The following UBE2J2 variants were observed in gnomAD, a reference collection of about 807,000 sequenced individuals.
UBE2J2 encodes the protein ubiquitin-conjugating enzyme E2 J2.
A neutral mutation model predicts 28.6 loss-of-function variants in UBE2J2; 5 were observed. That is an observed-to-expected ratio of 0.17 (90% CI 0.09 to 0.37). The LOEUF (loss-of-function observed/expected upper bound fraction) is 0.37. UBE2J2 is among the 10% of genes least tolerant of loss of function. The probability of loss-of-function intolerance (pLI) is 1.00; values close to 1 mark genes in which losing one functional copy is unlikely to be tolerated. For synonymous variants in UBE2J2, 138 were observed against 139.7 expected (o/e 0.99, Z 0.09); for missense variants, 226 against 338.9 (o/e 0.67, Z 2.62).
At chr1:1,255,947 G>T in intron 6 of UBE2J2, 98 bp downstream of exon 6, 2 of 902,924 alleles carry the variant, frequency 2.2e-6, no homozygotes, top group Non-Finnish European at 3.6e-6. Context: ...CCCTGGGGAG[G>T]TCTGCAGCTT....
chr1:1,262,224 G>A, intron 3 of UBE2J2: 2 of 429,146 alleles, frequency 4.7e-6, no homozygotes, highest in South Asian at 3.3e-5. Context: ...ATCGTAACAA[G>A]TACTTTAACA....
At chr1:1,265,344 C>A (rs905486674) in intron 2 of UBE2J2, among the ~76,000 whole-genome samples, 4 of 152,222 alleles carry the variant, frequency 2.6e-5, no homozygotes, top group African/African-American at 9.7e-5. Context: ...CCCTGCTCTC[C>A]TGGAAGTCTG....
At chr1:1,272,446 G>A (rs1406704482) in intron 1 of UBE2J2, among the ~76,000 whole-genome samples, 1 of 152,204 alleles carries the variant, frequency 6.6e-6, no homozygotes, top group African/African-American at 2.4e-5. Context: ...CCTGCTTAGG[G>A]GATGTGGCAG....
At position 1,259,959 on chromosome 1, in the gene UBE2J2, G is replaced by A. The variant is rs139950069; in HGVS notation, c.173-2649C>T. Among the ~76,000 whole-genome samples the A allele has an allele frequency of 1.7e-3, 255 of 152,280 alleles. 1 individual carries two copies. Among genetic ancestry groups the A allele is most frequent in the African/African-American group, 5.9e-3 (244 of 41,546 alleles). On this transcript the variant is annotated intron_variant, in intron 3 of 6. Transcript: ENST00000349431. The stretch of plus-strand genomic sequence containing the variant: ...GTGGCCTCCCGCACGTGTTTCCCTC[G>A]TGTCTCTCTCTTGATCACTAGGGGC...
chr1:1,270,612 A>G (rs1640099882), intron 1 of UBE2J2, among the ~76,000 whole-genome samples: 1 of 151,826 alleles, frequency 6.6e-6, no homozygotes, highest in African/African-American at 2.4e-5. Context: ...TCCCATCAAC[A>G]CCACAGGAGC....
intron 3 of UBE2J2, among the ~76,000 whole-genome samples, chr1:1,257,907 TCA>T (rs1639304784): frequency 6.6e-6 from 1 of 152,104 alleles, no homozygotes; most frequent in African/African-American, 2.4e-5. Context: ...GATTCGGGCC[TCA>T]TTCATGGCTC....
chr1:1,263,071 AC>A, intron 3 of UBE2J2: 1 of 413,876 alleles, frequency 2.4e-6, no homozygotes, highest in Non-Finnish European at 4.5e-6. Context: ...TTCAGTGTTT[AC>A]CCCGGTCTGG....
intron 2 of UBE2J2, among the ~76,000 whole-genome samples, chr1:1,266,543 C>T (rs892192641): frequency 2.6e-5 from 4 of 152,048 alleles, no homozygotes; most frequent in Non-Finnish European, 4.4e-5. Context: ...TAAATAAGGC[C>T]GGGCGTGGTG....
chr1:1,267,640 G>T, intron 2 of UBE2J2: 2 of 1,209,606 alleles, frequency 1.7e-6, no homozygotes, highest in Non-Finnish European at 1.1e-6. Context: ...TCCAGCCCCA[G>T]CCTGAGTCAA....
chr1:1,267,982 G>C lies in UBE2J2; in HGVS notation c.11C>G (p.Thr4Ser). 6.2e-7 allele frequency: 1 copy of C among 1,613,928 alleles called. No individual in the cohort carries two copies. The highest frequency in any genetic ancestry group is 8.5e-7 in the Non-Finnish European group (1 of 1,179,964). Reference sequence around the variant, plus strand: ...CGTGGTCGGAGCCCTCTTACTGCTGGTGCTGCTCATCTGTTAAAAGCAACG... The same window carrying C: ...CGTGGTCGGAGCCCTCTTACTGCTGCTGCTGCTCATCTGTTAAAAGCAACG... The part of the protein sequence containing the change: MSS[T>S]SSKRAPTTAT... The change falls in exon 2 of 7, where the codon ACC becomes AGC. Residue 4 changes from threonine to serine, a missense_variant. Physicochemically the swap from Thr to Ser is moderately conservative, Grantham distance 58. Coordinates refer to ENST00000349431, the MANE Select transcript of UBE2J2 (RefSeq NM_058167.3).
chr1:1,269,775 A>C (rs12073590), intron 1 of UBE2J2, among the ~76,000 whole-genome samples: 11,059 of 152,012 alleles, frequency 0.073, 1,144 homozygotes, highest in African/African-American at 0.23. Flanking sequence ...TGGCCACACG[A>C]TTTAATAACG....
chr1:1,262,732 G>A (rs972371899), intron 3 of UBE2J2: 16 of 174,996 alleles, frequency 9.1e-5, no homozygotes, highest in South Asian at 3.4e-4. Flanking sequence ...GCCAGCCTCC[G>A]CCAAAGGCCC....
intron 2 of UBE2J2, among the ~76,000 whole-genome samples, chr1:1,263,852 G>A (rs1160372782): frequency 2.6e-5 from 4 of 151,874 alleles, no homozygotes; most frequent in African/African-American, 9.7e-5. Flanking sequence ...AGTTAGCCGG[G>A]TGTGGTAGTG....
At chr1:1,265,674 C>G (rs1192698728) in intron 2 of UBE2J2, among the ~76,000 whole-genome samples, 1 of 146,726 alleles carries the variant, frequency 6.8e-6, no homozygotes, top group Non-Finnish European at 1.5e-5. Flanking sequence ...TGTCGCCAGG[C>G]TGGAGTACAG....
intron 2 of UBE2J2, among the ~76,000 whole-genome samples, chr1:1,265,945 T>C (rs1431058956): frequency 6.6e-6 from 1 of 152,156 alleles, no homozygotes; most frequent in Non-Finnish European, 1.5e-5. Flanking sequence ...CTCTCCGTAA[T>C]TTTAATGGTG....
rs780340108 is a variant in UBE2J2 at position 1,267,906 on chromosome 1, C to A, written c.87G>T (p.Val29=). 6.2e-7 allele frequency: 1 copy of A among 1,614,124 alleles called. No homozygotes were observed. The highest frequency in any genetic ancestry group is 1.7e-5 in the Admixed American group (1 of 60,034). The change falls in exon 2 of 7, where the codon GTG becomes GTT. Residue 29 remains valine, a synonymous_variant. Coordinates refer to ENST00000349431, the MANE Select transcript of UBE2J2 (RefSeq NM_058167.3). ...QDYLRIKKDP[V]PYICAEPLPS... ...GGAGGGGCTCGGCACAGATGTAAGGCACCGGGTCTTTCTTAATGCGAAGGT... is the reference window on the plus strand; with the variant it reads ...GGAGGGGCTCGGCACAGATGTAAGGAACCGGGTCTTTCTTAATGCGAAGGT...
rs183159656 is a variant in UBE2J2, at chr1:1,268,775, T to G, written c.1-783A>C. ...TCACTGTGGCCTTGACCACCTCGGC[T>G]CAAGCAATCCTCCCACCTCAGCCTC... On this transcript the variant is annotated intron_variant, in intron 1 of 6. Transcript: ENST00000349431. The surrounding 1 kb of genome is among the most constrained non-coding windows in gnomAD (Gnocchi z 4.7). 1.0e-2 allele frequency among the ~76,000 whole-genome samples: 1,521 copies of G among 152,192 alleles called. 82 individuals are homozygous for G. Among genetic ancestry groups the G allele is most frequent in the Admixed American group, 0.093 (1,424 of 15,290 alleles).
rs1570578903 is a variant in UBE2J2, at chr1:1,268,839, AGCT to A, written c.1-850_1-848del. On this transcript the variant is annotated intron_variant, in intron 1 of 6. Coordinates refer to ENST00000349431, the MANE Select transcript of UBE2J2 (RefSeq NM_058167.3). This position sits in a 1 kb window ranked among gnomAD's most constrained non-coding sequence, Gnocchi z 4.7. ...ACTACAGACGCATGCCACCACGCCT[AGCT>A]AATTTTTTTTTTTTTGTAGAGCTGG... 6.6e-6 allele frequency among the ~76,000 whole-genome samples: 1 copy of A among 150,682 alleles called. No individual in the cohort carries two copies.
At position 1,257,074 on chromosome 1, in the gene UBE2J2, A is replaced by G. The variant is rs1383026891; in HGVS notation, c.332T>C (p.Val111Ala). ...CAGGAGCCCAGTCAGGATGGTGGAGACAGACCAGGCCGGGTTCCACGTGTC... is the reference window on the plus strand; with the variant it reads ...CAGGAGCCCAGTCAGGATGGTGGAGGCAGACCAGGCCGGGTTCCACGTGTC... ...HPDTWNPAWS[V>A]STILTGLLSF... The change falls in exon 5 of 7, where the codon GTC becomes GCC. Residue 111 changes from valine (V) to alanine (A), a missense_variant. Coordinates refer to ENST00000349431, the MANE Select transcript of UBE2J2 (RefSeq NM_058167.3). 6.2e-7 allele frequency: 1 copy of G among 1,613,192 alleles called. No homozygotes were observed.
Sources: gnomAD v4.1 joint callset for allele counts (sites outside exome capture counted in the v4.1 genomes callset) on GRCh38, gnomAD v4.1.1 for gene constraint, Gnocchi (gnomAD v3.1) non-coding constraint, MANE v1.5 for transcripts, NCBI Gene and HGNC (gene_info 2026-07-23, HGNC 2026-07-21) for gene names.